Variants in DISC1 observed in about 807,000 individuals in gnomAD.
The protein encoded by DISC1 is DISC1 scaffold protein.
A neutral mutation model predicts 84.5 loss-of-function variants in DISC1; 57 were observed. That is an observed-to-expected ratio of 0.67 (90% CI 0.55 to 0.84). DISC1 has a LOEUF of 0.84. DISC1 is among the 40% of genes least tolerant of loss of function. The pLI, the probability that DISC1 is intolerant of heterozygous loss-of-function variation, is 0.00. For synonymous variants in DISC1, 411 were observed against 415.2 expected (o/e 0.99, Z 0.12); for missense variants, 1,000 against 1,057.8 (o/e 0.95, Z 0.76).
At chr1:231,963,839 G>A (rs1376960321) in intron 10 of DISC1, among the ~76,000 whole-genome samples, 2 of 152,160 alleles carry the variant, frequency 1.3e-5, no homozygotes, top group Non-Finnish European at 2.9e-5. Context: ...GGGTCTGCGT[G>A]AGAGGGTCAT....
intron 4 of DISC1, among the ~76,000 whole-genome samples, chr1:231,757,376 A>T (rs1332398595): frequency 6.6e-6 from 1 of 152,208 alleles, no homozygotes; most frequent in Admixed American, 6.5e-5. Flanking sequence ...AGATTTAAGA[A>T]GCTGTAAACA....
At chr1:231,774,634 C>T (rs866002701) in intron 6 of DISC1, 4 of 452,776 alleles carry the variant, frequency 8.8e-6, no homozygotes, top group Non-Finnish European at 1.8e-5. Context: ...TTTCTTCCAC[C>T]GTAGGGAGGT....
intron 9 of DISC1, among the ~76,000 whole-genome samples, chr1:231,931,162 C>G (rs2090632882): frequency 6.6e-6 from 1 of 152,032 alleles, no homozygotes. Flanking sequence ...TCTTAGTTGA[C>G]CAGAGGGGAG....
intron 12 of DISC1, among the ~76,000 whole-genome samples, chr1:232,027,777 T>TA (rs1213053586): frequency 6.6e-6 from 1 of 150,454 alleles, no homozygotes; most frequent in Admixed American, 6.7e-5. Flanking sequence ...TTCCAGTTTT[T>TA]ACCATACTTT....
chr1:232,012,254 T>A (rs1011672591), intron 11 of DISC1, among the ~76,000 whole-genome samples: 2 of 152,208 alleles, frequency 1.3e-5, no homozygotes, highest in Admixed American at 1.3e-4. Flanking sequence ...TTCCTTTACA[T>A]GTATAATATA....
At chr1:231,923,338 G>A (rs200475513) in intron 9 of DISC1, among the ~76,000 whole-genome samples, 1 of 150,900 alleles carries the variant, frequency 6.6e-6, no homozygotes, top group East Asian at 1.9e-4. Context: ...AAAGAAATCC[G>A]TTTTCGCTGA....
intron 11 of DISC1, among the ~76,000 whole-genome samples, chr1:232,013,147 C>G (rs1668182197): frequency 6.6e-6 from 1 of 152,058 alleles, no homozygotes; most frequent in South Asian, 2.1e-4. Flanking sequence ...TTTTTTCTTT[C>G]CTGTCTGCAA....
Position 231,675,939 on chromosome 1 carries a change from C to T in DISC1, c.68-17887C>T, listed in dbSNP as rs1385598718. Among the ~76,000 whole-genome samples, 1 of 151,642 alleles carries T rather than the reference C, an allele frequency of 6.6e-6. No individual in the cohort carries two copies. The highest frequency in any genetic ancestry group is 2.4e-5 in the African/African-American group (1 of 41,302). On this transcript the variant is annotated intron_variant, in intron 1 of 12. Coordinates refer to ENST00000439617, the MANE Select transcript of DISC1 (RefSeq NM_018662.3). The surrounding 1 kb of genome is among the most constrained non-coding windows in gnomAD (Gnocchi z 4.1). ...TCTCGGGTCACTGCAACCTCCGCCT[C>T]CCGGGTTCAAGCAATTCTCCTGCCT...
intron 6 of DISC1, among the ~76,000 whole-genome samples, chr1:231,772,726 A>T (rs1209392816): frequency 6.6e-6 from 1 of 152,112 alleles, no homozygotes; most frequent in Non-Finnish European, 1.5e-5. Flanking sequence ...CCGTCCAAAT[A>T]TATCTTACTG....
intron 9 of DISC1, among the ~76,000 whole-genome samples, chr1:231,835,459 G>A (rs555901505): frequency 2.1e-3 from 314 of 152,312 alleles, no homozygotes; most frequent in African/African-American, 7.4e-3. Context: ...CTCAGTAGGG[G>A]AGCTTTTGAG....
intron 3 of DISC1, chr1:231,723,438 A>G (rs1362147928): frequency 7.1e-6 from 7 of 985,518 alleles, no homozygotes; most frequent in Non-Finnish European, 8.4e-6. Flanking sequence ...TGCACTGGCT[A>G]CGACCTTACT....
At chr1:231,821,547 T>C (rs889550122) in intron 9 of DISC1, among the ~76,000 whole-genome samples, 1 of 152,174 alleles carries the variant, frequency 6.6e-6, no homozygotes, top group South Asian at 2.1e-4. Context: ...TTCGGAGCAA[T>C]GTTAAGTGCA....
At chr1:231,671,321 A>T (rs2062597547) in intron 1 of DISC1, among the ~76,000 whole-genome samples, 5 of 145,466 alleles carry the variant, frequency 3.4e-5, no homozygotes, top group Admixed American at 6.9e-5. Flanking sequence ...TTTCCTTTGC[A>T]TTTTGCTATT....
At chr1:231,682,476 T>A (rs2063791592) in intron 1 of DISC1, among the ~76,000 whole-genome samples, 1 of 152,154 alleles carries the variant, frequency 6.6e-6, no homozygotes, top group African/African-American at 2.4e-5. Flanking sequence ...ACGGTTAAAG[T>A]CATAATCTCA....
chr1:231,627,812 C>T (rs1373535125), intron 1 of DISC1, among the ~76,000 whole-genome samples: 2 of 152,112 alleles, frequency 1.3e-5, no homozygotes, highest in Non-Finnish European at 2.9e-5. Flanking sequence ...CTCCATGTGT[C>T]GTTAGGTTTG....
chr1:232,012,783 G>A (rs1038029236), intron 11 of DISC1, among the ~76,000 whole-genome samples: 6 of 152,124 alleles, frequency 3.9e-5, no homozygotes, highest in Admixed American at 6.5e-5. Flanking sequence ...CTGGGTCTAC[G>A]GTCCTTGCCA....
At chr1:231,997,597 AG>A (rs1666119532) in intron 10 of DISC1, among the ~76,000 whole-genome samples, 1 of 152,038 alleles carries the variant, frequency 6.6e-6, no homozygotes, top group Non-Finnish European at 1.5e-5. Flanking sequence ...CGGGGTTTTG[AG>A]GCTAGACAAG....
chr1:231,718,350 A>G (rs1387027226), intron 3 of DISC1, among the ~76,000 whole-genome samples: 4 of 152,024 alleles, frequency 2.6e-5, no homozygotes, highest in East Asian at 1.9e-4. Flanking sequence ...ATGGCCTGCC[A>G]TAACCAGCTT....
At chr1:231,875,485 T>C (rs2085813725) in intron 9 of DISC1, among the ~76,000 whole-genome samples, 1 of 152,206 alleles carries the variant, frequency 6.6e-6, no homozygotes. Flanking sequence ...TGAGCAGTAT[T>C]GACCACCCCT....
Sources: gnomAD v4.1 joint callset for allele counts (sites outside exome capture counted in the v4.1 genomes callset) on GRCh38, gnomAD v4.1.1 for gene constraint, Gnocchi (gnomAD v3.1) non-coding constraint, MANE v1.5 for transcripts, NCBI Gene and HGNC (gene_info 2026-07-23, HGNC 2026-07-21) for gene names.